The following LIMK2 variants were observed in gnomAD, a reference collection of about 807,000 sequenced individuals.
LIMK2 encodes LIM domain kinase 2.
Under a neutral mutation model 75.7 loss-of-function variants are expected in LIMK2, and 35 were observed. The observed-to-expected ratio is 0.46, with a 90% confidence interval of 0.35 to 0.61. The LOEUF (loss-of-function observed/expected upper bound fraction) is 0.61. Among genes scored for constraint, LIMK2 ranks in the 20% least tolerant of loss-of-function variants. The pLI is 0.00. For missense variants in LIMK2, 623 were observed against 831.0 expected (o/e 0.75, Z 3.08); for synonymous variants, 301 against 319.2 (o/e 0.94, Z 0.61).
At chr22:31,253,090 A>G (rs1189323183) in intron 2 of LIMK2, among the ~76,000 whole-genome samples, 1 of 152,168 alleles carries the variant, frequency 6.6e-6, no homozygotes. Context: ...GTTTTGGAAG[A>G]TGAGTTTTGG....
chr22:31,220,088 C>T (rs531766722), intron 1 of LIMK2, among the ~76,000 whole-genome samples: 1 of 152,224 alleles, frequency 6.6e-6, no homozygotes, highest in Admixed American at 6.5e-5. Context: ...TTTACATTTC[C>T]TAGAATAAAG....
chr22:31,269,599 T>C (rs1381954292), intron 11 of LIMK2, among the ~76,000 whole-genome samples: 1 of 151,702 alleles, frequency 6.6e-6, no homozygotes, highest in Non-Finnish European at 1.5e-5. Context: ...GAAACCCTGT[T>C]TCTACTAAAG....
In LIMK2 at chr22:31,278,447, G is replaced by GCCCAGC. The variant is rs749870829; in HGVS notation, c.*10_*15dup. The GCCCAGC allele has an allele frequency of 6.2e-7, 1 of 1,600,192 alleles. No homozygotes were observed. Among genetic ancestry groups the GCCCAGC allele is most frequent in the Non-Finnish European group, 8.5e-7 (1 of 1,173,052 alleles). On this transcript the variant is annotated 3_prime_UTR_variant, in exon 16 of 16. Coordinates refer to ENST00000331728, the MANE Select transcript of LIMK2 (RefSeq NM_005569.4). ...CCCGGGACTCACCTCCCTAGCCCTGGCCCAGCCCCCTGCAGGGGGGTGTTC... is the reference window on the plus strand; with the variant it reads ...CCCGGGACTCACCTCCCTAGCCCTGGCCCAGCCCCAGCCCCCTGCAGGGGGGTGTTC...
At chr22:31,244,906 G>C (rs1361431982) in intron 2 of LIMK2, among the ~76,000 whole-genome samples, 1 of 152,182 alleles carries the variant, frequency 6.6e-6, no homozygotes, top group Non-Finnish European at 1.5e-5. Flanking sequence ...TCTAGTCTGG[G>C]TTCAAATCCT....
At chr22:31,276,473 G>A (rs2049018862) in intron 15 of LIMK2, among the ~76,000 whole-genome samples, 1 of 143,138 alleles carries the variant, frequency 7.0e-6, no homozygotes, top group Non-Finnish European at 1.5e-5. Context: ...AGCCCCGGCG[G>A]CGGCCGCAGG....
chr22:31,252,220 A>G (rs560418365), intron 2 of LIMK2, among the ~76,000 whole-genome samples: 1 of 152,064 alleles, frequency 6.6e-6, no homozygotes, highest in Non-Finnish European at 1.5e-5. Flanking sequence ...CACAGTAACT[A>G]TTTCCTAATT....
chr22:31,240,762 G>A (rs1033290716), intron 2 of LIMK2, among the ~76,000 whole-genome samples: 5 of 152,080 alleles, frequency 3.3e-5, no homozygotes, highest in Admixed American at 2.6e-4. Context: ...CACCACTGCC[G>A]CGTCACCAAG....
intron 14 of LIMK2, 117 bp downstream of exon 14, chr22:31,273,624 T>TA (rs1451417013): frequency 1.3e-6 from 1 of 789,494 alleles, no homozygotes; most frequent in East Asian, 2.5e-5. Context: ...AACATGGGTG[T>TA]AGGGTTTTAT....
At chr22:31,266,736 C>T (rs1261997111) in intron 8 of LIMK2, among the ~76,000 whole-genome samples, 2 of 152,248 alleles carry the variant, frequency 1.3e-5, no homozygotes, top group African/African-American at 4.8e-5. Flanking sequence ...CTCCTGCCTT[C>T]TTCCCCACTT....
chr22:31,258,315 C>T lies in LIMK2; in HGVS notation c.141C>T (p.Leu47=). 6.2e-7 allele frequency: 1 copy of T among 1,608,440 alleles called. No individual in the cohort carries two copies. Among genetic ancestry groups the T allele is most frequent in the Non-Finnish European group, 8.5e-7 (1 of 1,176,580 alleles). ...CFRCSECQDS[L]TNWYYEKDGK... is the part of the protein sequence containing the mutation. ...GGTGTTCAGAATGCCAGGATTCCCT[C>T]ACCAACTGGTACTATGAGAAGGATG... is the stretch of plus-strand genomic sequence containing the variant. Residue 47 remains leucine, a synonymous_variant, in exon 3 of 16, where the codon CTC becomes CTT. Transcript: ENST00000331728.
At chr22:31,230,559 C>G (rs1340429374) in intron 2 of LIMK2, among the ~76,000 whole-genome samples, 3 of 152,178 alleles carry the variant, frequency 2.0e-5, no homozygotes, top group African/African-American at 4.8e-5. Flanking sequence ...ATCCACCGCT[C>G]TTAAGGCTCC....
chr22:31,222,024 A>T (rs12166629), intron 1 of LIMK2, among the ~76,000 whole-genome samples: 1 of 152,148 alleles, frequency 6.6e-6, no homozygotes, highest in African/African-American at 2.4e-5. Context: ...CATTATGCAG[A>T]AAGTGGGAAG....
chr22:31,258,235 T>A, intron 2 of LIMK2, 56 bp from the exon 3 acceptor site: 1 of 1,530,404 alleles, frequency 6.5e-7, no homozygotes, highest in South Asian at 1.2e-5. Context: ...AGGGACAGCT[T>A]ATGTGGCCTG....
intron 13 of LIMK2, among the ~76,000 whole-genome samples, chr22:31,273,242 GTGTTA>G (rs2048977181): frequency 6.6e-6 from 1 of 152,180 alleles, no homozygotes; most frequent in Non-Finnish European, 1.5e-5. Context: ...ATCCTAGGCA[GTGTTA>G]TGTTATAAGG....
At chr22:31,253,543 C>T (rs889923822) in intron 2 of LIMK2, among the ~76,000 whole-genome samples, 5 of 152,246 alleles carry the variant, frequency 3.3e-5, no homozygotes, top group African/African-American at 1.2e-4. Context: ...TGTTAACACT[C>T]AAAGGGTCTT....
At chr22:31,241,789 T>C (rs2048625853) in intron 2 of LIMK2, among the ~76,000 whole-genome samples, 1 of 152,176 alleles carries the variant, frequency 6.6e-6, no homozygotes, top group Non-Finnish European at 1.5e-5. Context: ...TAATAACTAA[T>C]GTTTATAATG....
intron 2 of LIMK2, among the ~76,000 whole-genome samples, chr22:31,257,496 A>G (rs2048796409): frequency 6.6e-6 from 1 of 152,194 alleles, no homozygotes; most frequent in Admixed American, 6.5e-5. Context: ...ATTCTCCTAT[A>G]TAAGTCAGAT....
At chr22:31,250,434 C>G (rs1008502375) in intron 2 of LIMK2, among the ~76,000 whole-genome samples, 1 of 152,154 alleles carries the variant, frequency 6.6e-6, no homozygotes, top group Non-Finnish European at 1.5e-5. Context: ...AAGGGCCAGA[C>G]CACTAATGCC....
chr22:31,256,350 A>C (rs2048781728), intron 2 of LIMK2, among the ~76,000 whole-genome samples: 1 of 145,238 alleles, frequency 6.9e-6, no homozygotes, highest in African/African-American at 2.6e-5. Context: ...GCTAGCTATA[A>C]TGTTTTTTGA....
Sources: allele counts gnomAD v4.1 joint callset (sites outside exome capture counted in the v4.1 genomes callset), GRCh38; gene constraint gnomAD v4.1.1; transcripts MANE v1.5; gene names NCBI Gene and HGNC (gene_info 2026-07-23, HGNC 2026-07-21).